The following CENPP variants were observed in gnomAD, a reference collection of about 807,000 sequenced individuals.
CENPP encodes the protein centromere protein P.
A neutral mutation model predicts 35.6 loss-of-function variants in CENPP; 24 were observed. The ratio of observed to expected loss-of-function variants is 0.67; its 90% CI spans 0.49 to 0.95. The LOEUF is 0.95. CENPP is among the 40% of genes least tolerant of loss of function. The probability of loss-of-function intolerance (pLI) is 0.00; values close to 1 mark genes in which losing one functional copy is unlikely to be tolerated. For synonymous variants in CENPP, 120 were observed against 125.5 expected (o/e 0.96, Z 0.29); for missense variants, 332 against 345.3 (o/e 0.96, Z 0.31).
chr9:92,325,521 C>T (rs1840404595), upstream of CENPP: 1 of 153,670 alleles, frequency 6.5e-6, no homozygotes, highest in Non-Finnish European at 1.5e-5. Flanking sequence ...GCAAAAGAGC[C>T]TAAACCAAAA....
At chr9:92,377,991 T>A (rs1842162269) in intron 4 of CENPP, among the ~76,000 whole-genome samples, 1 of 152,176 alleles carries the variant, frequency 6.6e-6, no homozygotes, top group Non-Finnish European at 1.5e-5. Flanking sequence ...ATGACTTAAG[T>A]GCAGGGTGTG....
chr9:92,386,793 G>A (rs1842440142), intron 5 of CENPP, among the ~76,000 whole-genome samples: 1 of 151,980 alleles, frequency 6.6e-6, no homozygotes, highest in Non-Finnish European at 1.5e-5. Context: ...CATGTTGGCT[G>A]GTATGGTATC....
intron 5 of CENPP, among the ~76,000 whole-genome samples, chr9:92,437,600 G>A (rs1844280256): frequency 2.0e-5 from 3 of 151,308 alleles, no homozygotes; most frequent in African/African-American, 7.3e-5. Flanking sequence ...TGTAGAGACA[G>A]GGTTTCGCCA....
chr9:92,428,498 C>G (rs926671153), intron 5 of CENPP, among the ~76,000 whole-genome samples: 11 of 152,190 alleles, frequency 7.2e-5, no homozygotes, highest in Middle Eastern at 3.2e-3. Context: ...TTCTCCCTGA[C>G]TTTCAAATTG....
Position 92,613,382 on chromosome 9 carries a change from T to C in CENPP, c.*233T>C. The stretch of plus-strand genomic sequence containing the variant: ...ACAATGTGGTTTATAAAAATAAGCT[T>C]AACATCTGAGAAAATGTACCAAGTG... On this transcript the variant is annotated 3_prime_UTR_variant, in exon 8 of 8. Coordinates refer to ENST00000375587, the MANE Select transcript of CENPP (RefSeq NM_001012267.3). 2.2e-6 allele frequency: 1 copy of C among 461,294 alleles called. No individual in the cohort carries two copies. The highest frequency in any genetic ancestry group is 3.9e-6 in the Non-Finnish European group (1 of 254,480). 28.6% of individuals were successfully genotyped at this position (461,294 alleles called of 1,614,324 possible).
At chr9:92,415,634 TAAAA>T (rs1205606949) in intron 5 of CENPP, among the ~76,000 whole-genome samples, 3 of 150,752 alleles carry the variant, frequency 2.0e-5, no homozygotes, top group Non-Finnish European at 3.0e-5. Flanking sequence ...AATCAAATAA[TAAAA>T]AGAAAATTAA....
intron 5 of CENPP, chr9:92,459,764 G>A (rs771928226): frequency 6.2e-7 from 1 of 1,613,158 alleles, no homozygotes. Flanking sequence ...TGTTTCCTAG[G>A]CCCAGCCTAA....
At chr9:92,603,455 C>T (rs925975198) in intron 5 of CENPP, among the ~76,000 whole-genome samples, 1 of 152,202 alleles carries the variant, frequency 6.6e-6, no homozygotes, top group Non-Finnish European at 1.5e-5. Context: ...TCTCAGAAGT[C>T]TTGTGCGTGG....
At position 92,473,825 on chromosome 9, in the gene CENPP, C is replaced by G. The variant is rs145872406; in HGVS notation, c.564+93966C>G. ...GATTATTGTAAGCTTTAACTCTTGC[C>G]ATGAATGCTATGGCAGTAGGAAGCA... On this transcript the variant is annotated intron_variant, in intron 5 of 7. Transcript: ENST00000375587. 3.1e-3 allele frequency among the ~76,000 whole-genome samples: 475 copies of G among 152,292 alleles called. 1 individual carries two copies. Among genetic ancestry groups the G allele is most frequent in the Non-Finnish European group, 5.0e-3 (337 of 68,022 alleles).
chr9:92,560,188 C>T (rs970519937), intron 5 of CENPP, among the ~76,000 whole-genome samples: 2 of 152,040 alleles, frequency 1.3e-5, no homozygotes, highest in African/African-American at 2.4e-5. Context: ...AAACGTAATC[C>T]GTCATAGTCT....
At chr9:92,393,860 A>C (rs1842785499) in intron 5 of CENPP, among the ~76,000 whole-genome samples, 1 of 151,538 alleles carries the variant, frequency 6.6e-6, no homozygotes. Context: ...GAGGTTTCTC[A>C]TTTTTGGCAG....
chr9:92,385,702 A>C, intron 5 of CENPP: 3 of 1,614,186 alleles, frequency 1.9e-6, no homozygotes, highest in Non-Finnish European at 2.5e-6. Context: ...ATTGCCCTCC[A>C]GGCGTATCTC....
chr9:92,351,976 G>A (rs994000701), intron 4 of CENPP, among the ~76,000 whole-genome samples: 1 of 149,990 alleles, frequency 6.7e-6, no homozygotes, highest in African/African-American at 2.5e-5. Context: ...TGTTGTCAAG[G>A]TTCATCCATG....
intron 4 of CENPP, among the ~76,000 whole-genome samples, chr9:92,352,505 G>GTGTGTGTGTATATATATATATATATA: frequency 2.2e-4 from 11 of 49,754 alleles, no homozygotes; most frequent in Middle Eastern, 9.6e-3. Context: ...GTGTGTGTGT[G>GTGTGTGTGTATATATATATATATATA]TATACATATA....
intron 5 of CENPP, among the ~76,000 whole-genome samples, chr9:92,381,070 CCTT>C (rs1339722490): frequency 6.6e-6 from 1 of 152,170 alleles, no homozygotes; most frequent in Non-Finnish European, 1.5e-5. Flanking sequence ...TCACCACTGT[CCTT>C]CTCCAGAAGT....
intron 5 of CENPP, among the ~76,000 whole-genome samples, chr9:92,553,838 G>A (rs904595081): frequency 1.3e-5 from 2 of 152,030 alleles, no homozygotes; most frequent in African/African-American, 4.8e-5. Context: ...GGTTTTCAAG[G>A]TAAACGATCA....
At chr9:92,530,208 G>A (rs999209955) in intron 5 of CENPP, among the ~76,000 whole-genome samples, 2 of 151,958 alleles carry the variant, frequency 1.3e-5, no homozygotes, top group African/African-American at 4.8e-5. Flanking sequence ...TATAAAGGTG[G>A]GTACATGTCA....
rs138408838 is a variant in CENPP at position 92,392,651 on chromosome 9, C to T, written c.564+12792C>T. ...AGGGGGGAGAAAAAAAAAACACTTC[C>T]CAAGATATTTTTAATATGCAGCCAG... On this transcript the variant is annotated intron_variant, in intron 5 of 7. Coordinates refer to ENST00000375587, the MANE Select transcript of CENPP (RefSeq NM_001012267.3). 2.2e-3 allele frequency among the ~76,000 whole-genome samples: 337 copies of T among 152,084 alleles called. 3 individuals are homozygous for T. The highest frequency in any genetic ancestry group is 7.6e-3 in the African/African-American group (314 of 41,496).
At chr9:92,536,861 T>A (rs1242961472) in intron 5 of CENPP, among the ~76,000 whole-genome samples, 1 of 109,918 alleles carries the variant, frequency 9.1e-6, no homozygotes, top group African/African-American at 4.0e-5. Context: ...TTTAGAACTA[T>A]TTTTTAAATT....
Sources: allele counts gnomAD v4.1 joint callset (sites outside exome capture counted in the v4.1 genomes callset), GRCh38; gene constraint gnomAD v4.1.1; transcripts MANE v1.5; gene names NCBI Gene and HGNC (gene_info 2026-07-23, HGNC 2026-07-21).